The following LYPD6 variants were observed in gnomAD, a reference collection of about 807,000 sequenced individuals.
LYPD6 encodes the protein LY6/PLAUR domain containing 6.
A neutral mutation model predicts 22.7 loss-of-function variants in LYPD6; 15 were observed. The ratio of observed to expected loss-of-function variants is 0.66; its 90% CI spans 0.44 to 1.02. The LOEUF (loss-of-function observed/expected upper bound fraction) is 1.02, where lower values mean the gene tolerates loss of function less well. Among genes scored for constraint, LYPD6 ranks in the 50% least tolerant of loss-of-function variants. The pLI is 0.00. For missense variants in LYPD6, 189 were observed against 208.4 expected, an observed-to-expected ratio of 0.91 and a Z score of 0.57; for synonymous variants, 72 against 77.5, an observed-to-expected ratio of 0.93 and a Z score of 0.37.
At chr2:149,369,002 A>G (rs1212324360) in intron 1 of LYPD6, among the ~76,000 whole-genome samples, 1 of 152,108 alleles carries the variant, frequency 6.6e-6, no homozygotes, top group East Asian at 1.9e-4. Flanking sequence ...CTGAGCAGAG[A>G]TGAGCAGTGT....
rs754442501 is a variant in LYPD6, at chr2:149,376,143, G to A, written c.-72+45421G>A. 3.3e-5 allele frequency among the ~76,000 whole-genome samples: 5 copies of A among 152,148 alleles called. No homozygotes were observed. The East Asian group carries it at 7.7e-4, about 23-fold the overall frequency. Reference sequence around the variant, plus strand: ...AGCTGAAGTTGAGCAGTGTCAGCCCGGGATGTGTGGTTTGCCCTGGGTCTG... The same window carrying A: ...AGCTGAAGTTGAGCAGTGTCAGCCCAGGATGTGTGGTTTGCCCTGGGTCTG... On this transcript the variant is annotated intron_variant, in intron 1 of 4. Coordinates refer to ENST00000334166, the MANE Select transcript of LYPD6 (RefSeq NM_194317.5).
chr2:149,406,676 C>T (rs1469398839), intron 1 of LYPD6, among the ~76,000 whole-genome samples: 1 of 151,998 alleles, frequency 6.6e-6, no homozygotes, highest in African/African-American at 2.4e-5. Flanking sequence ...TTTGTCTTGA[C>T]TCTTTATCCA....
chr2:149,461,088 A>G (rs1324304024), intron 3 of LYPD6, among the ~76,000 whole-genome samples: 2 of 152,014 alleles, frequency 1.3e-5, no homozygotes, highest in African/African-American at 4.8e-5. Context: ...AACAAACCAA[A>G]AGTCAAACAA....
intron 1 of LYPD6, among the ~76,000 whole-genome samples, chr2:149,375,599 C>T (rs982967611): frequency 1.3e-5 from 2 of 152,154 alleles, no homozygotes; most frequent in Admixed American, 1.3e-4. Flanking sequence ...CCAACATTTT[C>T]TCTTTGTATA....
chr2:149,413,491 G>A (rs371717955), intron 1 of LYPD6, among the ~76,000 whole-genome samples: 12 of 152,310 alleles, frequency 7.9e-5, no homozygotes, highest in Middle Eastern at 3.4e-3. Flanking sequence ...TATCTGGCCC[G>A]AAATTCTTTT....
chr2:149,398,743 A>G (rs889741794), intron 1 of LYPD6, among the ~76,000 whole-genome samples: 1 of 152,158 alleles, frequency 6.6e-6, no homozygotes, highest in African/African-American at 2.4e-5. Context: ...CTGGAAACCA[A>G]CATAAGGGGA....
chr2:149,415,916 A>G (rs573735564), intron 1 of LYPD6, among the ~76,000 whole-genome samples: 7 of 152,112 alleles, frequency 4.6e-5, no homozygotes, highest in Non-Finnish European at 8.8e-5. Flanking sequence ...TCCTGGGCTC[A>G]AGCCATCTGC....
At chr2:149,346,753 T>A (rs1353232951) in intron 1 of LYPD6, among the ~76,000 whole-genome samples, 2 of 152,164 alleles carry the variant, frequency 1.3e-5, no homozygotes, top group African/African-American at 4.8e-5. Context: ...CAGGCTGGAG[T>A]GCAGTGGCGT....
chr2:149,360,519 T>G (rs1573740729), intron 1 of LYPD6, among the ~76,000 whole-genome samples: 3 of 152,336 alleles, frequency 2.0e-5, no homozygotes, highest in Admixed American at 2.0e-4. Flanking sequence ...CAGCTAGTCA[T>G]CGAGTCCTGT....
At chr2:149,459,630 A>C (rs1681042869) in intron 3 of LYPD6, among the ~76,000 whole-genome samples, 1 of 152,212 alleles carries the variant, frequency 6.6e-6, no homozygotes, top group Admixed American at 6.5e-5. Context: ...GGCCAGGCAC[A>C]GTGGCTTATG....
intron 1 of LYPD6, among the ~76,000 whole-genome samples, chr2:149,341,598 G>A (rs761271275): frequency 2.0e-5 from 3 of 151,974 alleles, no homozygotes; most frequent in Non-Finnish European, 4.4e-5. Context: ...TCTTAGACTC[G>A]TTGTGCTACT....
At chr2:149,445,086 C>T (rs1008175211) in intron 2 of LYPD6, among the ~76,000 whole-genome samples, 13 of 152,298 alleles carry the variant, frequency 8.5e-5, no homozygotes, top group African/African-American at 2.4e-4. Context: ...GGCATGAAAA[C>T]GACATTAATT....
At position 149,472,629 on chromosome 2, in the gene LYPD6, AG is replaced by A. The variant is rs1482432635; in HGVS notation, c.*1780del. 1 of 152,608 alleles carries A rather than the reference AG, an allele frequency of 6.6e-6. No individual in the cohort carries two copies. Among genetic ancestry groups the A allele is most frequent in the Non-Finnish European group, 1.5e-5 (1 of 68,038 alleles). The allele number at this position is 152,608 out of a possible 1,614,324, so 9.5% of individuals were successfully genotyped here. On this transcript the variant is annotated 3_prime_UTR_variant, in exon 5 of 5. Coordinates refer to ENST00000334166, the MANE Select transcript of LYPD6 (RefSeq NM_194317.5). ...ATGTTGCTTTTAATTGGGGTGGGAA[AG>A]TAGAGGGAGAGAAAGCAAGACATTT...
chr2:149,474,837 ACAC>A (rs1681424543), downstream of LYPD6, among the ~76,000 whole-genome samples: 1 of 151,884 alleles, frequency 6.6e-6, no homozygotes, highest in Non-Finnish European at 1.5e-5. Context: ...GCATGATCTC[ACAC>A]TTACTGCAAC....
chr2:149,468,608 A>T (rs1335782753), intron 3 of LYPD6, 37 bp from the exon 4 acceptor site: 6 of 1,602,362 alleles, frequency 3.7e-6, no homozygotes, highest in Non-Finnish European at 5.1e-6. Context: ...GGTTTGGTCA[A>T]CATTTCCCAT....
intron 2 of LYPD6, among the ~76,000 whole-genome samples, chr2:149,438,472 A>C (rs1173819367): frequency 6.6e-6 from 1 of 152,186 alleles, no homozygotes; most frequent in Non-Finnish European, 1.5e-5. Flanking sequence ...TTTGGTCTCT[A>C]TCTTTGTATT....
intron 1 of LYPD6, among the ~76,000 whole-genome samples, chr2:149,400,889 T>C (rs757383013): frequency 3.3e-5 from 5 of 152,202 alleles, no homozygotes; most frequent in Non-Finnish European, 5.9e-5. Flanking sequence ...CTTTTCTCGG[T>C]AATATGAAGA....
chr2:149,452,504 G>A (rs1227979509), intron 3 of LYPD6, among the ~76,000 whole-genome samples: 1 of 152,188 alleles, frequency 6.6e-6, no homozygotes, highest in Non-Finnish European at 1.5e-5. Context: ...CTTAGGAAGG[G>A]CAACTGAGAC....
chr2:149,335,393 A>G (rs1681016445), intron 1 of LYPD6, among the ~76,000 whole-genome samples: 1 of 152,196 alleles, frequency 6.6e-6, no homozygotes, highest in Admixed American at 6.5e-5. Context: ...TTAATAGAAA[A>G]AAAGCTTACA....
Sources: allele counts gnomAD v4.1 joint callset (sites outside exome capture counted in the v4.1 genomes callset), GRCh38; gene constraint gnomAD v4.1.1; transcripts MANE v1.5; gene names NCBI Gene and HGNC (gene_info 2026-07-23, HGNC 2026-07-21).